The following KLHL7 variants were observed in gnomAD, a reference collection of about 807,000 sequenced individuals.
KLHL7 encodes the protein kelch-like protein 7.
Under a neutral mutation model 67.4 loss-of-function variants are expected in KLHL7, and 44 were observed. The observed-to-expected ratio is 0.65, with a 90% confidence interval of 0.51 to 0.84. The LOEUF (loss-of-function observed/expected upper bound fraction) is 0.84, where lower values mean the gene tolerates loss of function less well. KLHL7 is among the 40% of genes least tolerant of loss of function. KLHL7 has a pLI of 0.00. For synonymous variants in KLHL7, 252 were observed against 243.3 expected (o/e 1.04, Z -0.33); for missense variants, 362 against 718.1 (o/e 0.50, Z 5.67).
At chr7:23,162,929 C>T (rs999482749) in intron 7 of KLHL7, among the ~76,000 whole-genome samples, 1 of 152,042 alleles carries the variant, frequency 6.6e-6, no homozygotes, top group Non-Finnish European at 1.5e-5. Flanking sequence ...TAATTCGGCT[C>T]GATTTTCTCT....
chr7:23,122,462 A>G (rs3807452), intron 1 of KLHL7, among the ~76,000 whole-genome samples: 81,412 of 151,898 alleles, frequency 0.54, 25,062 homozygotes, highest in African/African-American at 0.87. Context: ...ATTTTTTGGT[A>G]TAGTATGTAG....
At chr7:23,162,048 A>G (rs561387747) in intron 7 of KLHL7, among the ~76,000 whole-genome samples, 6 of 152,196 alleles carry the variant, frequency 3.9e-5, no homozygotes, top group Non-Finnish European at 5.9e-5. Flanking sequence ...AGATCCAACA[A>G]TGACAATTCA....
intron 7 of KLHL7, among the ~76,000 whole-genome samples, chr7:23,161,187 C>A (rs920685032): frequency 6.6e-6 from 1 of 152,130 alleles, no homozygotes; most frequent in Non-Finnish European, 1.5e-5. Context: ...GTGCCCACAA[C>A]GTCCAAAGAC....
intron 7 of KLHL7, among the ~76,000 whole-genome samples, chr7:23,153,614 A>C (rs143583301): frequency 6.6e-6 from 1 of 152,186 alleles, no homozygotes; most frequent in East Asian, 1.9e-4. Flanking sequence ...GGAATTGTCT[A>C]CTGAAAGAAT....
chr7:23,138,484 AGAAG>A (rs1212856042), intron 4 of KLHL7, among the ~76,000 whole-genome samples: 43 of 133,188 alleles, frequency 3.2e-4, no homozygotes, highest in Admixed American at 2.1e-4. Flanking sequence ...AAAAAAAAAA[AGAAG>A]GTATAAAACC....
At chr7:23,127,515 T>C (rs1261341777) in intron 4 of KLHL7, among the ~76,000 whole-genome samples, 1 of 152,136 alleles carries the variant, frequency 6.6e-6, no homozygotes, top group African/African-American at 2.4e-5. Flanking sequence ...GCTCTCAATG[T>C]CAGCTGATTG....
chr7:23,106,082 C>A lies in KLHL7; in HGVS notation c.56C>A (p.Ala19Asp). ...AAGAAGAAGACCGAGAAGAAACTTG[C>A]TGCTCGGGAAGAAGCTAAATTGTTG... ...SSKKKTEKKL[A>D]AREEAKLLAG... is the part of the protein sequence containing the mutation. The change falls in exon 1 of 11, where the codon GCT (alanine) becomes GAT (aspartate). Residue 19 changes from alanine (A) to aspartate (D), a missense_variant. Transcript: ENST00000339077. 6.2e-7 allele frequency: 1 copy of A among 1,608,928 alleles called. No homozygotes were observed. Among genetic ancestry groups the A allele is most frequent in the Non-Finnish European group, 8.5e-7 (1 of 1,178,002 alleles).
chr7:23,139,659 T>C (rs545676435), intron 4 of KLHL7, among the ~76,000 whole-genome samples: 159 of 152,284 alleles, frequency 1.0e-3, no homozygotes, highest in Non-Finnish European at 1.9e-3. Context: ...TCAAAATTCA[T>C]TAAATGAAGA....
chr7:23,140,990 A>G (rs377590048), intron 5 of KLHL7, 46 bp downstream of exon 5: 203 of 1,519,686 alleles, frequency 1.3e-4, no homozygotes, highest in Middle Eastern at 1.0e-3. Context: ...AAATGTCTTT[A>G]TTGGTTTCTT....
chr7:23,114,425 G>C (rs3807456), intron 1 of KLHL7, among the ~76,000 whole-genome samples: 12,017 of 152,164 alleles, frequency 0.079, 1,368 homozygotes, highest in African/African-American at 0.24. Flanking sequence ...CTTATGTCTC[G>C]TTTGGTTATT....
intron 1 of KLHL7, among the ~76,000 whole-genome samples, chr7:23,111,802 C>A (rs1165387666): frequency 8.7e-6 from 1 of 114,834 alleles, no homozygotes; most frequent in Non-Finnish European, 1.6e-5. Flanking sequence ...AGCCTGGAGA[C>A]AGAGTGAGAC....
chr7:23,109,603 A>G lies in KLHL7; in HGVS notation c.120+3457A>G, dbSNP rs186257992. ...CTGATTTCACAATTAGATACTGGGC[A>G]GTTAACTGGGCTCACCTTCCGGCTA... is the stretch of plus-strand genomic sequence containing the variant. On this transcript the variant is annotated intron_variant, in intron 1 of 10. Transcript: ENST00000339077. Among the ~76,000 whole-genome samples, 387 of 152,344 alleles carry G rather than the reference A, an allele frequency of 2.5e-3. 1 individual carries two copies. The highest frequency in any genetic ancestry group is 8.8e-3 in the African/African-American group (364 of 41,588).
chr7:23,133,987 T>C (rs1241427397), intron 4 of KLHL7, among the ~76,000 whole-genome samples: 1 of 152,344 alleles, frequency 6.6e-6, no homozygotes, highest in East Asian at 1.9e-4. Flanking sequence ...CAGTACTATA[T>C]TGAGTAACAG....
Position 23,105,956 on chromosome 7 carries a change from C to G in KLHL7, c.-71C>G. 6.4e-7 allele frequency: 1 copy of G among 1,571,488 alleles called. No homozygotes were observed. On this transcript the variant is annotated 5_prime_UTR_variant, in exon 1 of 11. Transcript: ENST00000339077. ...TCGCCGTGTTTGGTCGATAGAATCC[C>G]CAGTGTGCCCAGAGAGTGCGACCCC... is the stretch of plus-strand genomic sequence containing the variant.
intron 7 of KLHL7, among the ~76,000 whole-genome samples, chr7:23,157,636 A>T (rs1037098629): frequency 1.3e-5 from 2 of 152,110 alleles, no homozygotes; most frequent in African/African-American, 2.4e-5. Context: ...AAGTACCTCC[A>T]TAATACACTG....
At chr7:23,118,696 G>A (rs1783199867) in intron 1 of KLHL7, among the ~76,000 whole-genome samples, 1 of 152,144 alleles carries the variant, frequency 6.6e-6, no homozygotes, top group Admixed American at 6.5e-5. Context: ...AAATGATTAA[G>A]TTATCTCAGT....
chr7:23,131,701 G>A (rs917843361), intron 4 of KLHL7, among the ~76,000 whole-genome samples: 5 of 144,262 alleles, frequency 3.5e-5, no homozygotes, highest in African/African-American at 1.3e-4. Flanking sequence ...TAGTCACCCT[G>A]TTGTGTTATC....
At chr7:23,148,383 G>C (rs1427429237) in intron 6 of KLHL7, among the ~76,000 whole-genome samples, 3 of 142,726 alleles carry the variant, frequency 2.1e-5, no homozygotes, top group Non-Finnish European at 4.5e-5. Context: ...TATTTAAGGG[G>C]TACAAGAAAA....
At chr7:23,125,398 A>C (rs1283817015) in intron 4 of KLHL7, among the ~76,000 whole-genome samples, 1 of 152,218 alleles carries the variant, frequency 6.6e-6, no homozygotes, top group African/African-American at 2.4e-5. Flanking sequence ...AAAACACAAA[A>C]TGGCATTTTT....
Sources: gnomAD v4.1 joint callset for allele counts (sites outside exome capture counted in the v4.1 genomes callset) on GRCh38, gnomAD v4.1.1 for gene constraint, MANE v1.5 for transcripts, NCBI Gene and HGNC (gene_info 2026-07-23, HGNC 2026-07-21) for gene names.